The following IPO11 variants were observed in gnomAD, a reference collection of about 807,000 sequenced individuals.
IPO11 encodes the protein importin 11, also known as importin-11.
A neutral mutation model predicts 143.2 loss-of-function variants in IPO11; 66 were observed. The observed-to-expected ratio is 0.46, with a 90% CI of 0.38 to 0.57. IPO11 has a LOEUF of 0.57. Ranked by LOEUF, IPO11 falls within the 20% of genes least tolerant of loss-of-function variation. The probability of loss-of-function intolerance (pLI) is 0.00; values close to 1 mark genes in which losing one functional copy is unlikely to be tolerated. For missense variants in IPO11, 1,026 were observed against 1,141.0 expected, an observed-to-expected ratio of 0.90 and a Z score of 1.45; for synonymous variants, 385 against 377.8, an observed-to-expected ratio of 1.02 and a Z score of -0.22.
intron 20 of IPO11, among the ~76,000 whole-genome samples, chr5:62,525,692 C>G (rs1208381709): frequency 1.3e-5 from 2 of 152,164 alleles, no homozygotes; most frequent in Non-Finnish European, 2.9e-5. Context: ...CCCCTAAAAT[C>G]TTTTTTAATG....
chr5:62,575,392 G>T (rs1258506352), intron 27 of IPO11, among the ~76,000 whole-genome samples: 4 of 152,136 alleles, frequency 2.6e-5, no homozygotes, highest in African/African-American at 9.7e-5. Context: ...TTACTCCTCA[G>T]TACTTACAGT....
chr5:62,540,108 C>CAT (rs149328210), intron 24 of IPO11, among the ~76,000 whole-genome samples: 1,965 of 152,200 alleles, frequency 0.013, 33 homozygotes, highest in African/African-American at 0.045. Flanking sequence ...GCTCTGAATA[C>CAT]ATATATAGTA....
Position 62,627,982 on chromosome 5 carries a change from G to A in IPO11, c.*664G>A, listed in dbSNP as rs553576472. The A allele has an allele frequency of 1.3e-5, 2 of 151,224 alleles. No homozygotes were observed. The highest frequency in any genetic ancestry group is 2.4e-5 in the African/African-American group (1 of 41,178). 9.4% of individuals were successfully genotyped at this position (151,224 alleles called of 1,614,324 possible). On this transcript the variant is annotated 3_prime_UTR_variant, in exon 30 of 30. Transcript: ENST00000325324. ...CAGTAAATACATTGGGTCTATAAAT[G>A]TGCATTTGTAAGGGCCACAAAAGTG...
intron 26 of IPO11, among the ~76,000 whole-genome samples, chr5:62,556,804 A>G (rs1325636850): frequency 2.0e-5 from 3 of 151,922 alleles, no homozygotes; most frequent in South Asian, 2.1e-4. Context: ...TTTACCTGCA[A>G]TTTCCTTTCA....
chr5:62,456,180 T>C (rs1019282805), intron 5 of IPO11, among the ~76,000 whole-genome samples: 1 of 152,102 alleles, frequency 6.6e-6, no homozygotes, highest in Non-Finnish European at 1.5e-5. Context: ...CCTGGCTAAT[T>C]TTTGTGTTTT....
chr5:62,541,889 A>T (rs576927613), intron 24 of IPO11, among the ~76,000 whole-genome samples: 62 of 152,196 alleles, frequency 4.1e-4, no homozygotes, highest in African/African-American at 1.3e-3. Flanking sequence ...TGCCAACAGT[A>T]GGTTATGATT....
chr5:62,446,639 G>A (rs1230519245), intron 3 of IPO11, among the ~76,000 whole-genome samples: 2 of 152,042 alleles, frequency 1.3e-5, no homozygotes, highest in African/African-American at 4.8e-5. Flanking sequence ...CTTTTATTTT[G>A]GATACGAGTC....
At chr5:62,513,509 CT>C (rs1741869305) in intron 19 of IPO11, among the ~76,000 whole-genome samples, 2 of 144,356 alleles carry the variant, frequency 1.4e-5, no homozygotes, top group African/African-American at 5.1e-5. Context: ...CGCCCCTCAC[CT>C]CCCGGACGGG....
At chr5:62,435,114 A>ATATATGTATATATATGTATATG (rs1561308819) in intron 1 of IPO11, among the ~76,000 whole-genome samples, 21,075 of 101,338 alleles carry the variant, frequency 0.21, 3,722 homozygotes, top group Middle Eastern at 0.3. Context: ...ATATATGTAT[A>ATATATGTATATATATGTATATG]TATGTATATA....
Position 62,626,689 on chromosome 5 carries a change from C to T in IPO11, c.2764-465C>T, listed in dbSNP as rs186686130. Among the ~76,000 whole-genome samples the T allele has an allele frequency of 6.7e-5, 10 of 148,250 alleles. No individual in the cohort carries two copies. The South Asian group carries it at 8.6e-4, about 13-fold the overall frequency. The stretch of plus-strand genomic sequence containing the variant: ...CTTTTTTTTTTTTTTCAGCCAGAAG[C>T]ATATACAGGAATTTAAATAGTATTG... On this transcript the variant is annotated intron_variant, in intron 29 of 29. Coordinates refer to ENST00000325324, the MANE Select transcript of IPO11 (RefSeq NM_016338.5).
intron 24 of IPO11, among the ~76,000 whole-genome samples, chr5:62,537,824 T>G (rs931955941): frequency 2.6e-5 from 4 of 151,966 alleles, no homozygotes; most frequent in Non-Finnish European, 5.9e-5. Flanking sequence ...AAGATATAAA[T>G]AGTATTAAAT....
intron 1 of IPO11, among the ~76,000 whole-genome samples, chr5:62,432,684 G>A (rs1356217793): frequency 6.6e-6 from 1 of 152,216 alleles, no homozygotes; most frequent in Non-Finnish European, 1.5e-5. Flanking sequence ...GTATCCCTGA[G>A]GAGAGGGTCT....
chr5:62,477,654 A>G (rs887626889), intron 9 of IPO11, among the ~76,000 whole-genome samples: 3 of 152,260 alleles, frequency 2.0e-5, no homozygotes, highest in Admixed American at 6.5e-5. Context: ...ACTATACAGT[A>G]TATATCACTG....
rs763383085 is a variant in IPO11 at position 62,586,752 on chromosome 5, CAAAAAA to C, written c.2583-4813_2583-4808del. Among the ~76,000 whole-genome samples the C allele has an allele frequency of 1.4e-3, 82 of 60,468 alleles. 3 individuals are homozygous for C. The highest frequency in any genetic ancestry group is 4.8e-3 in the African/African-American group (61 of 12,596). The allele number at this position is 60,468 out of a possible 152,430, so 39.7% of individuals were successfully genotyped here. ...GGCAACAAGAGCAAAACTCAGTCTC[CAAAAAA>C]AAAAAAAAAAATATATATATATATA... On this transcript the variant is annotated intron_variant, in intron 27 of 29. Transcript: ENST00000325324.
intron 27 of IPO11, chr5:62,579,443 G>A (rs1744455740): frequency 6.4e-7 from 1 of 1,550,708 alleles, no homozygotes; most frequent in African/African-American, 1.4e-5. Context: ...AGGGATATGT[G>A]TGGATTACAG....
At chr5:62,596,967 G>A (rs752019154) in intron 28 of IPO11, among the ~76,000 whole-genome samples, 45 of 151,964 alleles carry the variant, frequency 3.0e-4, no homozygotes, top group Non-Finnish European at 5.7e-4. Flanking sequence ...ATCCTCCTTC[G>A]CAAATATCTA....
intron 1 of IPO11, among the ~76,000 whole-genome samples, chr5:62,434,933 G>A (rs1026595896): frequency 1.3e-5 from 2 of 150,828 alleles, no homozygotes; most frequent in African/African-American, 2.4e-5. Context: ...GCTAAGGCAG[G>A]AGAATCACTT....
At chr5:62,491,789 C>T (rs1260367011) in intron 15 of IPO11, among the ~76,000 whole-genome samples, 2 of 151,682 alleles carry the variant, frequency 1.3e-5, no homozygotes, top group Non-Finnish European at 2.9e-5. Flanking sequence ...CCTCAGCCTC[C>T]CCAGTAGCTG....
chr5:62,569,040 G>A (rs1444775363), intron 27 of IPO11, among the ~76,000 whole-genome samples: 1 of 152,146 alleles, frequency 6.6e-6, no homozygotes. Context: ...CCCAGGCAAA[G>A]GCCTTTGCTC....
Sources: allele counts gnomAD v4.1 joint callset (sites outside exome capture counted in the v4.1 genomes callset), GRCh38; gene constraint gnomAD v4.1.1; transcripts MANE v1.5; gene names NCBI Gene and HGNC (gene_info 2026-07-23, HGNC 2026-07-21).